FILIP1L: variants seen among roughly 807,000 people sequenced by gnomAD.
FILIP1L encodes the protein filamin A interacting protein 1 like, also known as filamin A-interacting protein 1-like.
A neutral mutation model predicts 96.6 loss-of-function variants in FILIP1L; 55 were observed. That is an observed-to-expected ratio of 0.57 (90% confidence interval 0.46 to 0.71). The LOEUF is 0.71. FILIP1L is among the 30% of genes least tolerant of loss of function. The pLI is 0.00. For missense variants in FILIP1L, 1,304 were observed against 1,321.2 expected, an observed-to-expected ratio of 0.99 and a Z score of 0.20; for synonymous variants, 467 against 473.9, an observed-to-expected ratio of 0.99 and a Z score of 0.19.
At chr3:99,847,718 T>G (rs969547413) in intron 5 of FILIP1L, among the ~76,000 whole-genome samples, 1 of 152,216 alleles carries the variant, frequency 6.6e-6, no homozygotes, top group Non-Finnish European at 1.5e-5. Flanking sequence ...GATCTTATAG[T>G]TCACTTTGAA....
intron 4 of FILIP1L, among the ~76,000 whole-genome samples, chr3:99,884,613 T>C (rs766794878): frequency 1.1e-4 from 16 of 152,140 alleles, no homozygotes; most frequent in Non-Finnish European, 1.6e-4. Context: ...ACCAGCACAA[T>C]ACCCTGCACA....
At chr3:99,862,045 G>A (rs990566154) in intron 4 of FILIP1L, among the ~76,000 whole-genome samples, 3 of 152,202 alleles carry the variant, frequency 2.0e-5, no homozygotes, top group Non-Finnish European at 4.4e-5. Flanking sequence ...CTCATTAGAA[G>A]TAGGATGGTG....
At chr3:99,951,549 A>T (rs1220766871) in intron 1 of FILIP1L, among the ~76,000 whole-genome samples, 1 of 152,106 alleles carries the variant, frequency 6.6e-6, no homozygotes, top group Non-Finnish European at 1.5e-5. Flanking sequence ...TGTATTTGCA[A>T]CTCTGTGAGA....
intron 4 of FILIP1L, among the ~76,000 whole-genome samples, chr3:99,891,957 T>C (rs1164080061): frequency 6.6e-6 from 1 of 152,208 alleles, no homozygotes; most frequent in East Asian, 1.9e-4. Flanking sequence ...CTAACACTTA[T>C]TAGTTAAATT....
Position 99,833,249 on chromosome 3 carries a change from G to A in FILIP1L, c.3382-2644C>T, listed in dbSNP as rs781670917. The A allele has an allele frequency of 3.7e-6, 6 of 1,612,182 alleles. No homozygotes were observed. The East Asian group carries it at 8.9e-5, about 24-fold the overall frequency. On this transcript the variant is annotated intron_variant, in intron 5 of 5. Transcript: ENST00000477258. ...GGATGTTGAGTTCAATGAGGCAGAA[G>A]AAGTGGTTCCACCTAGGGAGCAGTA... is the stretch of plus-strand genomic sequence containing the variant.
chr3:99,971,014 G>GATATTTAATATTCTGTGACTATTCTC (rs1708797884), intron 1 of FILIP1L, among the ~76,000 whole-genome samples: 1 of 152,164 alleles, frequency 6.6e-6, no homozygotes, highest in Non-Finnish European at 1.5e-5. Flanking sequence ...ATATTTAACA[G>GATATTTAATATTCTGTGACTATTCTC]CAAGGATTGG....
At chr3:100,005,703 G>A (rs1245742445) in intron 1 of FILIP1L, among the ~76,000 whole-genome samples, 1 of 152,160 alleles carries the variant, frequency 6.6e-6, no homozygotes, top group Non-Finnish European at 1.5e-5. Flanking sequence ...TAAATACAAG[G>A]CACACAGAAA....
chr3:99,903,175 G>T (rs1466985154), intron 4 of FILIP1L, among the ~76,000 whole-genome samples: 1 of 152,076 alleles, frequency 6.6e-6, no homozygotes, highest in Non-Finnish European at 1.5e-5. Flanking sequence ...TAAAGTTTAA[G>T]AGAGAAGCAC....
At chr3:99,977,073 A>G (rs1169992244) in intron 1 of FILIP1L, among the ~76,000 whole-genome samples, 1 of 152,204 alleles carries the variant, frequency 6.6e-6, no homozygotes, top group Non-Finnish European at 1.5e-5. Context: ...TAGTGTCTCT[A>G]TGTTAGGATT....
chr3:99,900,207 G>A (rs761011426), intron 4 of FILIP1L, among the ~76,000 whole-genome samples: 4 of 152,060 alleles, frequency 2.6e-5, no homozygotes, highest in Non-Finnish European at 4.4e-5. Context: ...CTACAGGATG[G>A]AAGTCAAAAC....
intron 4 of FILIP1L, among the ~76,000 whole-genome samples, chr3:99,868,576 T>G (rs1464542375): frequency 6.6e-6 from 1 of 152,248 alleles, no homozygotes; most frequent in African/African-American, 2.4e-5. Context: ...GTGATGTTAC[T>G]TTAAGCTGCC....
chr3:99,903,567 A>G (rs1486354638), intron 4 of FILIP1L, among the ~76,000 whole-genome samples: 1 of 152,188 alleles, frequency 6.6e-6, no homozygotes, highest in Non-Finnish European at 1.5e-5. Context: ...CATGTTTTAA[A>G]GAATTTTCCA....
chr3:99,834,686 T>C (rs879643599), intron 5 of FILIP1L, among the ~76,000 whole-genome samples: 31 of 152,194 alleles, frequency 2.0e-4, no homozygotes, highest in Non-Finnish European at 4.3e-4. Flanking sequence ...CTCTCCTGTG[T>C]CTTTCTCATT....
intron 4 of FILIP1L, among the ~76,000 whole-genome samples, chr3:99,879,873 C>G (rs534165983): frequency 1.3e-5 from 2 of 152,280 alleles, no homozygotes; most frequent in East Asian, 3.9e-4. Context: ...GGAACAGACC[C>G]AGGATTGCAT....
chr3:100,008,641 T>C (rs1489988280), intron 1 of FILIP1L, among the ~76,000 whole-genome samples: 1 of 152,244 alleles, frequency 6.6e-6, no homozygotes, highest in Non-Finnish European at 1.5e-5. Flanking sequence ...CAAATAATTA[T>C]TAAGTAATTA....
chr3:100,023,038 G>A, intron 1 of FILIP1L, among the ~76,000 whole-genome samples: 1 of 152,086 alleles, frequency 6.6e-6, no homozygotes, highest in Non-Finnish European at 1.5e-5. Context: ...ATGAGTTTCA[G>A]GTGTTTTAAC....
At chr3:100,029,354 T>C (rs2064984050) in intron 1 of FILIP1L, among the ~76,000 whole-genome samples, 1 of 152,102 alleles carries the variant, frequency 6.6e-6, no homozygotes, top group Non-Finnish European at 1.5e-5. Flanking sequence ...ATGATAATTG[T>C]TCAATAAAGT....
intron 1 of FILIP1L, among the ~76,000 whole-genome samples, chr3:99,984,060 T>TGTGTGTGTGTGTGTGTGTTTG (rs1559714079): frequency 8.0e-5 from 2 of 25,024 alleles, no homozygotes; most frequent in African/African-American, 3.1e-4. Context: ...GTATGTGTGT[T>TGTGTGTGTGTGTGTGTGTTTG]TGTGTGTGTG....
intron 4 of FILIP1L, among the ~76,000 whole-genome samples, chr3:99,889,447 T>A (rs1433532130): frequency 1.3e-5 from 2 of 152,114 alleles, no homozygotes; most frequent in African/African-American, 4.8e-5. Flanking sequence ...TACTTTCAGC[T>A]TTACCATACC....
Sources: gnomAD v4.1 joint callset for allele counts (sites outside exome capture counted in the v4.1 genomes callset) on GRCh38, gnomAD v4.1.1 for gene constraint, MANE v1.5 for transcripts, NCBI Gene and HGNC (gene_info 2026-07-23, HGNC 2026-07-21) for gene names.